The following PLCL2 variants were observed in gnomAD, a reference collection of about 807,000 sequenced individuals.
PLCL2 encodes inactive phospholipase C-like protein 2.
In PLCL2, 4 loss-of-function variants were observed where a neutral mutation model predicts 79.6. That is an observed-to-expected ratio of 0.05 (90% confidence interval 0.02 to 0.11). The LOEUF is 0.11. PLCL2 is among the 10% of genes least tolerant of loss of function. PLCL2 has a pLI of 1.00. For missense variants in PLCL2, 895 were observed against 1,291.0 expected, an observed-to-expected ratio of 0.69 and a Z score of 4.70; for synonymous variants, 484 against 457.7, an observed-to-expected ratio of 1.06 and a Z score of -0.73.
intron 3 of PLCL2, among the ~76,000 whole-genome samples, chr3:17,040,238 G>A (rs1297186438): frequency 6.6e-6 from 1 of 152,134 alleles, no homozygotes; most frequent in Non-Finnish European, 1.5e-5. Context: ...ATAAACAAAT[G>A]ATCCTCCAAG....
chr3:17,047,366 G>A (rs1006773958), intron 4 of PLCL2, among the ~76,000 whole-genome samples: 3 of 87,498 alleles, frequency 3.4e-5, no homozygotes, highest in African/African-American at 1.0e-4. Flanking sequence ...ATGCCTGCAT[G>A]CCTGGGAGGA....
At chr3:16,929,339 A>G (rs1218077976) in intron 1 of PLCL2, among the ~76,000 whole-genome samples, 1 of 152,170 alleles carries the variant, frequency 6.6e-6, no homozygotes, top group African/African-American at 2.4e-5. Flanking sequence ...CCTTCTCTCC[A>G]TAATGACAAC....
chr3:16,907,249 G>A (rs1203881575), intron 1 of PLCL2, among the ~76,000 whole-genome samples: 1 of 152,096 alleles, frequency 6.6e-6, no homozygotes, highest in African/African-American at 2.4e-5. Flanking sequence ...TAAAAAAATA[G>A]CCACTTATTT....
At chr3:16,952,202 A>G (rs2063660070) in intron 1 of PLCL2, among the ~76,000 whole-genome samples, 1 of 151,872 alleles carries the variant, frequency 6.6e-6, no homozygotes, top group Admixed American at 6.6e-5. Context: ...AAGGGGAGGG[A>G]GAGCATTAGG....
chr3:17,011,693 G>A lies in PLCL2; in HGVS notation c.2347G>A (p.Val783Ile). 3.7e-6 allele frequency: 6 copies of A among 1,614,146 alleles called. No individual in the cohort carries two copies. The highest frequency in any genetic ancestry group is 5.1e-6 in the Non-Finnish European group (6 of 1,180,026). The change falls in exon 2 of 6, where the codon GTC (valine) becomes ATC (isoleucine). Residue 783 changes from valine (V) to isoleucine (I), a missense_variant. Around this residue, in one of 6 missense-constraint regions of PLCL2, gnomAD observed 298 missense variants for 459.6 expected, o/e 0.65. Transcript: ENST00000615277. This position sits in a 1 kb window ranked among gnomAD's most constrained non-coding sequence, Gnocchi z 7.9. ...GAKGDVVDPY[V>I]YVEIHGIPAD... ...CAAAGGTGATGTGGTAGATCCTTAT[G>A]TCTATGTTGAAATCCATGGAATCCC...
chr3:16,956,453 G>A (rs1343140633), intron 1 of PLCL2, among the ~76,000 whole-genome samples: 2 of 152,020 alleles, frequency 1.3e-5, no homozygotes, highest in Non-Finnish European at 2.9e-5. Flanking sequence ...GAGGATTTTT[G>A]CATCAATGTT....
At chr3:17,042,450 A>G (rs1425464057) in intron 3 of PLCL2, among the ~76,000 whole-genome samples, 1 of 152,230 alleles carries the variant, frequency 6.6e-6, no homozygotes, top group Non-Finnish European at 1.5e-5. Context: ...TTTCAGATGA[A>G]GACATTTTGG....
chr3:17,027,406 T>C (rs1316516627), intron 3 of PLCL2, among the ~76,000 whole-genome samples: 1 of 152,230 alleles, frequency 6.6e-6, no homozygotes, highest in Non-Finnish European at 1.5e-5. Flanking sequence ...CATTAAATAC[T>C]ATCAATGACT....
At chr3:16,948,664 G>A (rs546064944) in intron 1 of PLCL2, among the ~76,000 whole-genome samples, 1 of 152,308 alleles carries the variant, frequency 6.6e-6, no homozygotes, top group Admixed American at 6.5e-5. Context: ...GTGAGTACTT[G>A]AATTTACTAA....
chr3:16,958,438 A>C (rs1397430888), intron 1 of PLCL2, among the ~76,000 whole-genome samples: 1 of 152,222 alleles, frequency 6.6e-6, no homozygotes, highest in Non-Finnish European at 1.5e-5. Flanking sequence ...GGGTGGGTAC[A>C]GCATTCAAAA....
At chr3:17,083,233 G>A (rs991062566) in intron 5 of PLCL2, among the ~76,000 whole-genome samples, 1 of 152,296 alleles carries the variant, frequency 6.6e-6, no homozygotes, top group Admixed American at 6.5e-5. Flanking sequence ...GTCAGGGAAG[G>A]CGCTGCTGTG....
rs565769353 is a variant in PLCL2, at chr3:17,035,908, G to T, written c.3019-6966G>T. 55 of 366,058 alleles carry T rather than the reference G, an allele frequency of 1.5e-4. 1 individual carries two copies. Among genetic ancestry groups the T allele is most frequent in the Non-Finnish European group, 2.7e-4 (50 of 186,986 alleles). 22.7% of individuals were successfully genotyped at this position (366,058 alleles called of 1,614,324 possible). A position where few individuals can be genotyped will look rare whatever the true frequency, so the allele number is the denominator to read the frequency against. On this transcript the variant is annotated intron_variant, in intron 3 of 5. Transcript: ENST00000615277. ...CTCCTCTGTATGTTTGTTAACAGTTGAGTAGTGCTTTTTATCAAGCGCATG... is the reference window on the plus strand; with the variant it reads ...CTCCTCTGTATGTTTGTTAACAGTTTAGTAGTGCTTTTTATCAAGCGCATG...
chr3:16,897,160 C>CT lies in PLCL2; in HGVS notation c.327+11800dup, dbSNP rs1372653821. On this transcript the variant is annotated intron_variant, in intron 1 of 5. Transcript: ENST00000615277. Reference sequence around the variant, plus strand: ...TTTTCTTTAAGGGAGTCGAGCTGCCCTTTTTTGGAGGGGATATAAAATGTC... The same window carrying CT: ...TTTTCTTTAAGGGAGTCGAGCTGCCCTTTTTTTGGAGGGGATATAAAATGTC... 8.6e-5 allele frequency among the ~76,000 whole-genome samples: 13 copies of CT among 152,022 alleles called. No individual in the cohort carries two copies. The East Asian group carries it at 2.5e-3, about 29-fold the overall frequency.
At chr3:16,980,990 G>C (rs1465077083) in intron 1 of PLCL2, among the ~76,000 whole-genome samples, 1 of 152,254 alleles carries the variant, frequency 6.6e-6, no homozygotes, top group Non-Finnish European at 1.5e-5. Context: ...ACGAAAACCA[G>C]TCAAGCGTGG....
chr3:16,905,481 C>T (rs1306445202), intron 1 of PLCL2, among the ~76,000 whole-genome samples: 2 of 152,200 alleles, frequency 1.3e-5, no homozygotes, highest in East Asian at 1.9e-4. Context: ...TTTATCTGTG[C>T]AATTTACATT....
intron 1 of PLCL2, among the ~76,000 whole-genome samples, chr3:16,953,041 C>T (rs935629281): frequency 3.1e-4 from 47 of 151,792 alleles, no homozygotes; most frequent in African/African-American, 1.1e-3. Flanking sequence ...TCAGTATAAA[C>T]CTACTAAAAT....
At chr3:17,057,443 C>T (rs1335343695) in intron 4 of PLCL2, among the ~76,000 whole-genome samples, 2 of 152,120 alleles carry the variant, frequency 1.3e-5, no homozygotes, top group African/African-American at 4.8e-5. Flanking sequence ...TCATATATTA[C>T]TCCCAGAAAA....
chr3:17,014,662 A>T, intron 2 of PLCL2, 46 bp from the exon 3 acceptor site: 1 of 1,433,686 alleles, frequency 7.0e-7, no homozygotes, highest in Non-Finnish European at 9.8e-7. Flanking sequence ...ATGAGAAAGT[A>T]AAACCCCCAG....
chr3:16,984,607 A>C (rs2124990712), intron 1 of PLCL2, among the ~76,000 whole-genome samples: 1 of 152,262 alleles, frequency 6.6e-6, no homozygotes, highest in South Asian at 2.1e-4. Context: ...ACCAATAGCA[A>C]AAAAGGATTA....
Sources: gnomAD v4.1 joint callset for allele counts (sites outside exome capture counted in the v4.1 genomes callset) on GRCh38, gnomAD v4.1.1 for gene constraint, gnomAD v4.1.1 regional missense constraint, Gnocchi (gnomAD v3.1) non-coding constraint, MANE v1.5 for transcripts, NCBI Gene and HGNC (gene_info 2026-07-23, HGNC 2026-07-21) for gene names.